RNF168: variants seen among roughly 807,000 people sequenced by gnomAD.
RNF168 encodes E3 ubiquitin-protein ligase RNF168.
In RNF168, 34 loss-of-function variants were observed where a neutral mutation model predicts 34.9. The observed-to-expected ratio is 0.97, with a 90% CI of 0.74 to 1.30. The LOEUF is 1.30. Among genes scored for constraint, RNF168 ranks in the 50% most tolerant of loss-of-function variants. The probability of loss-of-function intolerance (pLI) is 0.00; values close to 1 mark genes in which losing one functional copy is unlikely to be tolerated. For missense variants in RNF168, 725 were observed against 682.5 expected, an observed-to-expected ratio of 1.06 and a Z score of -0.69; for synonymous variants, 264 against 254.7, an observed-to-expected ratio of 1.04 and a Z score of -0.35.
chr3:196,481,599 G>T (rs142316510), intron 4 of RNF168, among the ~76,000 whole-genome samples: 2,139 of 148,930 alleles, frequency 0.014, 22 homozygotes, highest in Non-Finnish European at 0.022. Flanking sequence ...ACAGCTAATT[G>T]AATAACTTAC....
chr3:196,473,718 G>A (rs1283004868), intron 5 of RNF168, among the ~76,000 whole-genome samples: 4 of 152,056 alleles, frequency 2.6e-5, no homozygotes, highest in Non-Finnish European at 4.4e-5. Flanking sequence ...AGCCGGGCGT[G>A]GGGGTATAAG....
chr3:196,472,608 G>T lies in RNF168; in HGVS notation c.927C>A (p.Tyr309Ter). 1 of 1,614,070 alleles carries T rather than the reference G, an allele frequency of 6.2e-7. No homozygotes were observed. The highest frequency in any genetic ancestry group is 2.2e-5 in the East Asian group (1 of 44,870). Reference protein sequence around the residue: ...PWLCACGAEWYHEGNVKTRPS... With the variant: ...PWLCACGAEW ...GTCTTGTTTTGACGTTTCCTTCATG[G>T]TACCATTCGGCACCACAGGCACATA... The change falls in exon 6 of 6, where the codon TAC (tyrosine) becomes TAA (stop). Residue 309 changes from tyrosine to a stop codon, truncating the protein, a stop_gained. Transcript: ENST00000318037. LOFTEE classifies it low-confidence loss of function (END_TRUNC).
intron 1 of RNF168, among the ~76,000 whole-genome samples, chr3:196,499,080 T>C (rs1348989914): frequency 6.6e-6 from 1 of 151,656 alleles, no homozygotes; most frequent in Non-Finnish European, 1.5e-5. Context: ...TAACTAAGAA[T>C]GTGGTCTTAA....
Position 196,472,442 on chromosome 3 carries a change from TTGTC to T in RNF168, c.1089_1092del (p.Thr364MetfsTer16). ...TCTGTCTCACCTGTGTTGTTTCCAT[TTGTC>T]TGTGTCACCCCTGATGTGGGGGCGC... is the stretch of plus-strand genomic sequence containing the variant. On this transcript the variant is annotated frameshift_variant, in exon 6 of 6. Transcript: ENST00000318037. LOFTEE classifies it low-confidence loss of function (END_TRUNC). 6.2e-7 allele frequency: 1 copy of T among 1,613,814 alleles called. No homozygotes were observed. Among genetic ancestry groups the T allele is most frequent in the Non-Finnish European group, 8.5e-7 (1 of 1,179,860 alleles).
chr3:196,493,704 T>C (rs899336299), intron 1 of RNF168, among the ~76,000 whole-genome samples: 8 of 152,140 alleles, frequency 5.3e-5, no homozygotes, highest in Non-Finnish European at 1.2e-4. Context: ...TTTTTGTAAT[T>C]TTAGTAGAGA....
intron 1 of RNF168, among the ~76,000 whole-genome samples, chr3:196,497,917 CAGACACTTTACAA>C (rs1732784338): frequency 6.6e-6 from 1 of 152,028 alleles, no homozygotes; most frequent in Non-Finnish European, 1.5e-5. Flanking sequence ...AAGAATTAAA[CAGACACTTTACAA>C]TGGAAGAGGG....
intron 4 of RNF168, among the ~76,000 whole-genome samples, chr3:196,481,758 A>G (rs1012432832): frequency 1.5e-5 from 2 of 136,106 alleles, no homozygotes; most frequent in Non-Finnish European, 3.0e-5. Flanking sequence ...GGCTCAAGCA[A>G]TTCTCCCACC....
chr3:196,488,538 T>G, intron 2 of RNF168, 69 bp downstream of exon 2: 1 of 963,528 alleles, frequency 1.0e-6, no homozygotes, highest in East Asian at 2.5e-5. Context: ...CACAAAAAAC[T>G]AAATTAAAAT....
intron 4 of RNF168, among the ~76,000 whole-genome samples, chr3:196,477,580 G>A (rs555896897): frequency 1.3e-5 from 2 of 152,316 alleles, no homozygotes; most frequent in Admixed American, 1.3e-4. Flanking sequence ...TCTTTAGGCT[G>A]AAGAATTCTT....
intron 4 of RNF168, among the ~76,000 whole-genome samples, chr3:196,483,293 C>G (rs943656249): frequency 1.3e-5 from 2 of 152,146 alleles, no homozygotes; most frequent in African/African-American, 4.8e-5. Context: ...CTGTGAGTTA[C>G]CATGGGAAAG....
intron 1 of RNF168, among the ~76,000 whole-genome samples, chr3:196,498,943 C>T (rs926549007): frequency 2.6e-5 from 4 of 151,276 alleles, no homozygotes; most frequent in Non-Finnish European, 5.9e-5. Flanking sequence ...TGCAGTGAGC[C>T]GAGATCCTGT....
At chr3:196,495,755 C>T (rs938852979) in intron 1 of RNF168, among the ~76,000 whole-genome samples, 36 of 152,108 alleles carry the variant, frequency 2.4e-4, no homozygotes, top group African/African-American at 8.7e-4. Context: ...CTCCGTTCTC[C>T]GGCAAATTTT....
At chr3:196,502,171 G>A (rs988717946) in intron 1 of RNF168, among the ~76,000 whole-genome samples, 16 of 151,112 alleles carry the variant, frequency 1.1e-4, no homozygotes, top group African/African-American at 3.6e-4. Context: ...GGAGGAAAGA[G>A]TCAAGGGTTC....
At chr3:196,488,315 A>G (rs1732505751) in intron 2 of RNF168, among the ~76,000 whole-genome samples, 1 of 151,964 alleles carries the variant, frequency 6.6e-6, no homozygotes, top group Non-Finnish European at 1.5e-5. Flanking sequence ...CCCCATCTCT[A>G]CTAAAAATAC....
Position 196,503,417 on chromosome 3 carries a change from A to G in RNF168, c.-244T>C, listed in dbSNP as rs1732954656. On this transcript the variant is annotated 5_prime_UTR_variant, in exon 1 of 6. Transcript: ENST00000318037. ...CCATTTTCAAGGCAAACGTCCCGCC[A>G]GCAAATAAATGCAGGTTTTCGTCGG... is the stretch of plus-strand genomic sequence containing the variant. 1 of 545,918 alleles carries G rather than the reference A, an allele frequency of 1.8e-6. No individual in the cohort carries two copies. Among genetic ancestry groups the G allele is most frequent in the Non-Finnish European group, 3.3e-6 (1 of 303,214 alleles). The allele number at this position is 545,918 out of a possible 1,614,324, so 33.8% of individuals were successfully genotyped here. A position where few individuals can be genotyped will look rare whatever the true frequency, so the allele number is the denominator to read the frequency against.
At chr3:196,477,028 G>A (rs1483308542) in intron 4 of RNF168, among the ~76,000 whole-genome samples, 1 of 152,140 alleles carries the variant, frequency 6.6e-6, no homozygotes, top group Admixed American at 6.6e-5. Flanking sequence ...GATTACAGGC[G>A]TGAGCCACTG....
chr3:196,474,931 T>A, intron 5 of RNF168: 1 of 373,408 alleles, frequency 2.7e-6, no homozygotes, highest in Non-Finnish European at 5.1e-6. Flanking sequence ...ATATTATCTA[T>A]AGATGCTTTC....
At chr3:196,497,475 G>T (rs540121577) in intron 1 of RNF168, among the ~76,000 whole-genome samples, 1 of 152,008 alleles carries the variant, frequency 6.6e-6, no homozygotes, top group African/African-American at 2.4e-5. Flanking sequence ...TTCAAGACCA[G>T]CCTGGCCAAC....
At chr3:196,501,647 T>C (rs867741016) in intron 1 of RNF168, among the ~76,000 whole-genome samples, 1 of 152,230 alleles carries the variant, frequency 6.6e-6, no homozygotes, top group Non-Finnish European at 1.5e-5. Context: ...GATGGTTACA[T>C]TGTGAATGTA....
Sources: allele counts gnomAD v4.1 joint callset (sites outside exome capture counted in the v4.1 genomes callset), GRCh38; gene constraint gnomAD v4.1.1; transcripts MANE v1.5; gene names NCBI Gene and HGNC (gene_info 2026-07-23, HGNC 2026-07-21).